The following SPRY3 variants were observed in gnomAD, a reference collection of about 807,000 sequenced individuals.
The protein encoded by SPRY3 is sprouty RTK signaling antagonist 3, also known as protein sprouty homolog 3.
In SPRY3, 15 loss-of-function variants were observed where a neutral mutation model predicts 20.2. That is an observed-to-expected ratio of 0.74 (90% CI 0.50 to 1.14). The LOEUF is 1.14. Ranked by LOEUF, SPRY3 falls within the 50% of genes most tolerant of loss-of-function variation. The probability of loss-of-function intolerance (pLI) is 0.00; values close to 1 mark genes in which losing one functional copy is unlikely to be tolerated. For synonymous variants in SPRY3, 143 were observed against 136.5 expected (o/e 1.05, Z -0.33); for missense variants, 364 against 363.9 (o/e 1.00, Z 0.00).
At chrX:155,714,722 G>A (rs1020812162) in intron 2 of SPRY3, among the ~76,000 whole-genome samples, 6 of 152,010 alleles carry the variant, frequency 3.9e-5, no homozygotes, top group African/African-American at 1.4e-4. Context: ...ACCAGGGATT[G>A]GAGTCAAAAA....
At chrX:155,680,312 G>A (rs1296605053) in intron 2 of SPRY3, among the ~76,000 whole-genome samples, 1 of 109,075 alleles carries the variant, frequency 9.2e-6, no homozygotes, top group Non-Finnish European at 1.9e-5. Context: ...GCCAAGAAAG[G>A]TAACAGGGGA....
At chrX:155,713,251 C>G (rs2090999483) in intron 2 of SPRY3, among the ~76,000 whole-genome samples, 1 of 152,088 alleles carries the variant, frequency 6.6e-6, no homozygotes, top group South Asian at 2.1e-4. Flanking sequence ...ACACCACTTA[C>G]AGTGTTGTAC....
intron 2 of SPRY3, among the ~76,000 whole-genome samples, chrX:155,719,188 T>C (rs1282440696): frequency 2.0e-5 from 3 of 152,124 alleles, no homozygotes; most frequent in Non-Finnish European, 4.4e-5. Context: ...TTGTGAGGCA[T>C]TGAGTTTCGT....
chrX:155,757,587 G>T (rs1216737362), intron 2 of SPRY3, among the ~76,000 whole-genome samples: 10 of 152,114 alleles, frequency 6.6e-5, no homozygotes, highest in Non-Finnish European at 8.8e-5. Flanking sequence ...GGAGAATAAT[G>T]CTTGTAATGG....
rs4013148 is a variant in SPRY3, at chrX:155,773,307, G to GTTTTATATAT, written c.-106-459_-106-458insTTTTATATAT. Among the ~76,000 whole-genome samples the GTTTTATATAT allele has an allele frequency of 5.5e-3, 664 of 120,692 alleles. 17 individuals are homozygous for GTTTTATATAT. The East Asian group carries it at 0.058, about 10-fold the overall frequency. The allele number at this position is 120,692 out of a possible 152,430, so 79.2% of individuals were successfully genotyped here. Reference sequence around the variant, plus strand: ...CACACTGAAAAGATAATTTTGATTGGATATATATATATATATATATATATA... The same window carrying GTTTTATATAT: ...CACACTGAAAAGATAATTTTGATTGGTTTTATATATATATATATATATATATATATATATA... On this transcript the variant is annotated intron_variant, in intron 3 of 3. Transcript: ENST00000675360.
intron 2 of SPRY3, among the ~76,000 whole-genome samples, chrX:155,742,182 C>A (rs2091207001): frequency 6.6e-6 from 1 of 151,970 alleles, no homozygotes; most frequent in Non-Finnish European, 1.5e-5. Context: ...CAGAAAAAAG[C>A]AGGGGTCACA....
chrX:155,768,337 T>G (rs1337627986), intron 3 of SPRY3, among the ~76,000 whole-genome samples: 2 of 152,194 alleles, frequency 1.3e-5, no homozygotes, highest in African/African-American at 4.8e-5. Flanking sequence ...CGCAGAAAAC[T>G]ATCCACATTG....
intron 2 of SPRY3, among the ~76,000 whole-genome samples, chrX:155,680,682 T>G (rs1157987636): frequency 8.9e-6 from 1 of 111,972 alleles, no homozygotes; most frequent in Non-Finnish European, 1.9e-5. Flanking sequence ...TTTGCTCTAT[T>G]GTGCTTCATA....
chrX:155,622,092 C>T (rs2067873329), intron 1 of SPRY3, among the ~76,000 whole-genome samples: 2 of 112,025 alleles, frequency 1.8e-5, no homozygotes, highest in Non-Finnish European at 3.8e-5. Context: ...AACACCTGTG[C>T]TTGTCAGAGC....
In SPRY3 at chrX:155,704,002, C is replaced by T. The variant is rs182366170; in HGVS notation, c.-282+46977C>T. On this transcript the variant is annotated intron_variant, in intron 2 of 3. Coordinates refer to ENST00000675360, the Ensembl canonical transcript of SPRY3. ...TACTAACTGTAATAATGCAAACCCT[C>T]GCACTAAAGGCCTACTAGAAGGAAA... Among the ~76,000 whole-genome samples the T allele has an allele frequency of 5.5e-4, 83 of 151,906 alleles. 2 individuals are homozygous for T. Among genetic ancestry groups the T allele is most frequent in the African/African-American group, 1.9e-3 (79 of 41,478 alleles).
Position 155,774,122 on chromosome X carries a change from T to A in SPRY3, c.251T>A (p.Ile84Asn), listed in dbSNP as rs192256963. ...CCTCAGCATCTGAGCCAATCTAGCA[T>A]TGCCAGCTCAATGTCCCATAGCACC... Residue 84 changes from isoleucine (I) to asparagine (N), a missense_variant, in exon 4 of 4, where the codon ATT becomes AAT. Coordinates refer to ENST00000675360, the Ensembl canonical transcript of SPRY3. 1.9e-5 allele frequency: 30 copies of A among 1,614,006 alleles called. No individual in the cohort carries two copies. The Admixed American group carries it at 5.0e-4, about 27-fold the overall frequency.
intron 2 of SPRY3, among the ~76,000 whole-genome samples, chrX:155,704,362 C>T (rs1209157423): frequency 2.6e-5 from 4 of 151,586 alleles, no homozygotes; most frequent in African/African-American, 7.3e-5. Context: ...AACAAAATAA[C>T]GGAGATGAAG....
At chrX:155,756,763 C>A (rs1312212466) in intron 2 of SPRY3, among the ~76,000 whole-genome samples, 1 of 151,974 alleles carries the variant, frequency 6.6e-6, no homozygotes, top group Admixed American at 6.6e-5. Context: ...TTACAAGACA[C>A]AGAGACTTAC....
exon 3 of SPRY3, chrX:155,768,059 G>C (rs1399696874): frequency 6.6e-6 from 1 of 152,176 alleles, no homozygotes; most frequent in Non-Finnish European, 1.5e-5. Context: ...CCTAAAGACT[G>C]AGGAGAAGAG....
At chrX:155,619,008 C>T (rs113194029) in intron 1 of SPRY3, among the ~76,000 whole-genome samples, 1,903 of 111,202 alleles carry the variant, frequency 0.017, 50 homozygotes, top group African/African-American at 0.059. Context: ...TTTTCATCCT[C>T]TTAAGACAAT....
At chrX:155,678,781 T>A (rs960530408) in intron 2 of SPRY3, among the ~76,000 whole-genome samples, 1 of 112,509 alleles carries the variant, frequency 8.9e-6, no homozygotes, top group African/African-American at 3.2e-5. Flanking sequence ...ATCTCACTTA[T>A]GACTGTGCAT....
At chrX:155,714,784 A>G (rs756548658) in intron 2 of SPRY3, among the ~76,000 whole-genome samples, 1 of 152,162 alleles carries the variant, frequency 6.6e-6, no homozygotes, top group African/African-American at 2.4e-5. Flanking sequence ...ATGGCACTCA[A>G]ACCACAATAC....
intron 2 of SPRY3, among the ~76,000 whole-genome samples, chrX:155,745,577 C>A (rs1228988826): frequency 2.0e-5 from 3 of 152,026 alleles, no homozygotes; most frequent in Admixed American, 6.6e-5. Flanking sequence ...TCATCCTTGA[C>A]ATGCAGAAAG....
intron 1 of SPRY3, among the ~76,000 whole-genome samples, chrX:155,630,466 T>G (rs782202127): frequency 8.9e-6 from 1 of 111,892 alleles, no homozygotes; most frequent in South Asian, 3.7e-4. Flanking sequence ...TTATATTTCC[T>G]TCATTTCTGA....
Sources: gnomAD v4.1 joint callset for allele counts (sites outside exome capture counted in the v4.1 genomes callset) on GRCh38, gnomAD v4.1.1 for gene constraint, MANE v1.5 for transcripts, NCBI Gene and HGNC (gene_info 2026-07-23, HGNC 2026-07-21) for gene names.